The following ARHGAP15 variants were observed in gnomAD, a reference collection of about 807,000 sequenced individuals.
The protein encoded by ARHGAP15 is rho GTPase-activating protein 15.
In ARHGAP15, 51 loss-of-function variants were observed where a neutral mutation model predicts 63.7. That is an observed-to-expected ratio of 0.80 (90% CI 0.64 to 1.01). The LOEUF is 1.01. Among genes scored for constraint, ARHGAP15 ranks in the 50% least tolerant of loss-of-function variants. The probability of loss-of-function intolerance (pLI) is 0.00; values close to 1 mark genes in which losing one functional copy is unlikely to be tolerated. For synonymous variants in ARHGAP15, 191 were observed against 193.8 expected (o/e 0.99, Z 0.12); for missense variants, 560 against 564.6 (o/e 0.99, Z 0.08).
At chr2:143,731,005 G>T (rs13409919) in intron 13 of ARHGAP15, among the ~76,000 whole-genome samples, 1 of 134,560 alleles carries the variant, frequency 7.4e-6, no homozygotes, top group Non-Finnish European at 1.5e-5. Context: ...AGACATCCAA[G>T]AGGCCAGTAG....
intron 6 of ARHGAP15, among the ~76,000 whole-genome samples, chr2:143,331,952 T>A (rs1684568452): frequency 6.6e-6 from 1 of 152,204 alleles, no homozygotes; most frequent in South Asian, 2.1e-4. Context: ...AAGCATACAT[T>A]TCTAGAGTTC....
rs536561470 is a variant in ARHGAP15, at chr2:143,317,388, G to A, written c.474+66788G>A. ...CTAAAAAATGGCACATAAAATATATGCTTTTGAGAAATAAATACATGAATA... is the reference window on the plus strand; with the variant it reads ...CTAAAAAATGGCACATAAAATATATACTTTTGAGAAATAAATACATGAATA... On this transcript the variant is annotated intron_variant, in intron 6 of 13. Coordinates refer to ENST00000295095, the MANE Select transcript of ARHGAP15 (RefSeq NM_018460.4). Among the ~76,000 whole-genome samples, 3 of 152,258 alleles carry A rather than the reference G, an allele frequency of 2.0e-5. No homozygotes were observed. The South Asian group carries it at 6.2e-4, about 32-fold the overall frequency.
In ARHGAP15 at chr2:143,250,390, A is replaced by T. The variant is rs183658534; in HGVS notation, c.385-121A>T. On this transcript the variant is annotated intron_variant, in intron 5 of 13. Coordinates refer to ENST00000295095, the MANE Select transcript of ARHGAP15 (RefSeq NM_018460.4). ...CCTACAAATTAGGTTTCCCCTGGGG[A>T]AAACAAAAAAGGCATTATATCATAA... 209 of 643,826 alleles carry T rather than the reference A, an allele frequency of 3.2e-4. 1 individual carries two copies. The highest frequency in any genetic ancestry group is 3.2e-3 in the Middle Eastern group (12 of 3,732). The allele number at this position is 643,826 out of a possible 1,614,324, so 39.9% of individuals were successfully genotyped here.
chr2:143,447,406 A>G (rs1331304220), intron 8 of ARHGAP15, among the ~76,000 whole-genome samples: 1 of 152,228 alleles, frequency 6.6e-6, no homozygotes, highest in East Asian at 1.9e-4. Flanking sequence ...TGAGCCACTT[A>G]TAAGGAGTAA....
At chr2:143,360,355 C>T (rs529298626) in intron 6 of ARHGAP15, among the ~76,000 whole-genome samples, 12 of 151,876 alleles carry the variant, frequency 7.9e-5, no homozygotes, top group Non-Finnish European at 1.6e-4. Context: ...ACTGCAATCG[C>T]GCCTGGGTGG....
chr2:143,413,957 G>GTA (rs1688558595), intron 6 of ARHGAP15, among the ~76,000 whole-genome samples: 2 of 109,364 alleles, frequency 1.8e-5, no homozygotes, highest in Admixed American at 1.1e-4. Flanking sequence ...GTGTGTGTGT[G>GTA]TGTGTGTGTG....
chr2:143,565,258 T>C (rs1295010497), intron 11 of ARHGAP15, among the ~76,000 whole-genome samples: 2 of 152,108 alleles, frequency 1.3e-5, no homozygotes, highest in African/African-American at 4.8e-5. Context: ...AAATCACTTA[T>C]TCTCATTATA....
chr2:143,358,363 G>T (rs1440141575), intron 6 of ARHGAP15, among the ~76,000 whole-genome samples: 1 of 152,042 alleles, frequency 6.6e-6, no homozygotes, highest in African/African-American at 2.4e-5. Flanking sequence ...AGCCAGTGCA[G>T]CATTTTTAAA....
intron 8 of ARHGAP15, among the ~76,000 whole-genome samples, chr2:143,474,791 C>T (rs1467560138): frequency 6.6e-6 from 1 of 152,238 alleles, no homozygotes; most frequent in African/African-American, 2.4e-5. Context: ...GAGACTCCAA[C>T]ATGAACTGTG....
At chr2:143,143,050 T>C (rs1263092251) in intron 1 of ARHGAP15, among the ~76,000 whole-genome samples, 3 of 152,150 alleles carry the variant, frequency 2.0e-5, no homozygotes, top group Non-Finnish European at 4.4e-5. Flanking sequence ...GAAATTTGGC[T>C]ACACTAATTC....
At chr2:143,300,370 T>G (rs1682840859) in intron 6 of ARHGAP15, among the ~76,000 whole-genome samples, 1 of 152,048 alleles carries the variant, frequency 6.6e-6, no homozygotes, top group African/African-American at 2.4e-5. Flanking sequence ...GAAAACTTAG[T>G]AAACTGTATA....
At chr2:143,487,253 A>G in intron 8 of ARHGAP15, 120 bp from the exon 9 acceptor site, 3 of 1,165,510 alleles carry the variant, frequency 2.6e-6, no homozygotes, top group Non-Finnish European at 3.6e-6. Flanking sequence ...TAGACAGAAG[A>G]GCCTGAGCTA....
At chr2:143,303,525 G>A (rs1355647865) in intron 6 of ARHGAP15, among the ~76,000 whole-genome samples, 1 of 151,656 alleles carries the variant, frequency 6.6e-6, no homozygotes, top group Non-Finnish European at 1.5e-5. Context: ...TAGAAGAAAA[G>A]CTAGGCAATA....
At chr2:143,302,282 A>C (rs1272357140) in intron 6 of ARHGAP15, among the ~76,000 whole-genome samples, 1 of 151,832 alleles carries the variant, frequency 6.6e-6, no homozygotes, top group Non-Finnish European at 1.5e-5. Context: ...AATCAGTACC[A>C]CCATTCTTGT....
intron 2 of ARHGAP15, among the ~76,000 whole-genome samples, chr2:143,178,510 G>A (rs1691097519): frequency 6.6e-6 from 1 of 152,138 alleles, no homozygotes; most frequent in Non-Finnish European, 1.5e-5. Context: ...CTGTATTGAA[G>A]AATTCACGCT....
intron 6 of ARHGAP15, among the ~76,000 whole-genome samples, chr2:143,340,878 A>G (rs1292630038): frequency 6.6e-6 from 1 of 152,176 alleles, no homozygotes; most frequent in African/African-American, 2.4e-5. Flanking sequence ...TGGCAATGCT[A>G]AATTAAAAAC....
At chr2:143,512,787 G>C (rs922136790) in intron 9 of ARHGAP15, among the ~76,000 whole-genome samples, 1 of 152,234 alleles carries the variant, frequency 6.6e-6, no homozygotes, top group Non-Finnish European at 1.5e-5. Context: ...GCACTGGAAA[G>C]TCAGGAGCTG....
intron 12 of ARHGAP15, among the ~76,000 whole-genome samples, chr2:143,641,701 C>T (rs1256912532): frequency 6.6e-6 from 1 of 152,114 alleles, no homozygotes; most frequent in Non-Finnish European, 1.5e-5. Flanking sequence ...ATGATATAAA[C>T]TTAGCTGTAG....
chr2:143,173,950 T>C (rs928228567), intron 2 of ARHGAP15, among the ~76,000 whole-genome samples: 3 of 152,130 alleles, frequency 2.0e-5, no homozygotes, highest in Non-Finnish European at 2.9e-5. Flanking sequence ...TTCCGAGTTT[T>C]ATTCTCCTTG....
Sources: gnomAD v4.1 joint callset for allele counts (sites outside exome capture counted in the v4.1 genomes callset) on GRCh38, gnomAD v4.1.1 for gene constraint, MANE v1.5 for transcripts, NCBI Gene and HGNC (gene_info 2026-07-23, HGNC 2026-07-21) for gene names.